Variants in DTNBP1 observed in about 807,000 individuals in gnomAD.
The protein encoded by DTNBP1 is dystrobrevin binding protein 1.
A neutral mutation model predicts 42.8 loss-of-function variants in DTNBP1; 35 were observed. That is an observed-to-expected ratio of 0.82 (90% confidence interval 0.63 to 1.09). The LOEUF (loss-of-function observed/expected upper bound fraction) is 1.09, where lower values mean the gene tolerates loss of function less well. Ranked by LOEUF, DTNBP1 falls within the 50% of genes least tolerant of loss-of-function variation. DTNBP1 has a pLI of 0.00. For missense variants in DTNBP1, 457 were observed against 424.2 expected, an observed-to-expected ratio of 1.08 and a Z score of -0.68; for synonymous variants, 171 against 162.2, an observed-to-expected ratio of 1.05 and a Z score of -0.41.
intron 7 of DTNBP1, among the ~76,000 whole-genome samples, chr6:15,534,356 A>G (rs1316748939): frequency 6.6e-6 from 1 of 152,208 alleles, no homozygotes; most frequent in African/African-American, 2.4e-5. Context: ...ACCACAGTAA[A>G]AAGTTGGGAA....
At chr6:15,564,483 C>T (rs1372426220) in intron 7 of DTNBP1, among the ~76,000 whole-genome samples, 1 of 152,138 alleles carries the variant, frequency 6.6e-6, no homozygotes, top group African/African-American at 2.4e-5. Flanking sequence ...TCTCTACTCA[C>T]TGCAGCCTCT....
intron 7 of DTNBP1, among the ~76,000 whole-genome samples, chr6:15,534,018 ATATGC>A: frequency 6.6e-6 from 1 of 152,236 alleles, no homozygotes; most frequent in East Asian, 1.9e-4. Flanking sequence ...CCTGGAGCAC[ATATGC>A]TAAGTGCAGT....
At chr6:15,615,107 C>T in intron 6 of DTNBP1, 160 bp downstream of exon 6, 2 of 1,019,984 alleles carry the variant, frequency 2.0e-6, no homozygotes, top group Non-Finnish European at 1.5e-6. Flanking sequence ...AAGATGGCAA[C>T]AGACAGTGGT....
intron 7 of DTNBP1, among the ~76,000 whole-genome samples, chr6:15,591,005 A>C (rs571508451): frequency 3.3e-5 from 5 of 152,348 alleles, no homozygotes; most frequent in Admixed American, 1.3e-4. Flanking sequence ...AATATTCAAA[A>C]AATAATAAAT....
intron 7 of DTNBP1, chr6:15,533,602 G>T (rs1773026931): frequency 1.3e-6 from 1 of 789,792 alleles, no homozygotes; most frequent in South Asian, 1.4e-5. Context: ...TCAGGGTCAG[G>T]CCCTTCGTTC....
chr6:15,576,825 G>A (rs148467509), intron 7 of DTNBP1, among the ~76,000 whole-genome samples: 3 of 149,900 alleles, frequency 2.0e-5, no homozygotes, highest in Admixed American at 6.6e-5. Flanking sequence ...CTGAGACATC[G>A]CTGTAAGAAC....
chr6:15,595,234 A>C (rs927897987), intron 6 of DTNBP1: 1 of 453,420 alleles, frequency 2.2e-6, no homozygotes, highest in Admixed American at 2.4e-5. Flanking sequence ...TAAAGAAAAA[A>C]ATCAGTATTA....
chr6:15,649,168 C>T (rs1399893070), intron 3 of DTNBP1, among the ~76,000 whole-genome samples: 1 of 152,062 alleles, frequency 6.6e-6, no homozygotes, highest in Admixed American at 6.6e-5. Flanking sequence ...TGGGTATATA[C>T]CCAAAGGAAC....
chr6:15,526,529 C>T (rs1772409066), intron 8 of DTNBP1, among the ~76,000 whole-genome samples: 1 of 152,164 alleles, frequency 6.6e-6, no homozygotes, highest in African/African-American at 2.4e-5. Context: ...TTTAGATGAT[C>T]CCATGCTTGG....
chr6:15,661,531 A>G (rs1329475931), intron 1 of DTNBP1, among the ~76,000 whole-genome samples: 1 of 152,058 alleles, frequency 6.6e-6, no homozygotes, highest in Non-Finnish European at 1.5e-5. Context: ...CTCTAGTCCC[A>G]GCTACTCAGG....
At chr6:15,647,516 C>T (rs1760757653) in intron 3 of DTNBP1, among the ~76,000 whole-genome samples, 1 of 151,034 alleles carries the variant, frequency 6.6e-6, no homozygotes, top group Non-Finnish European at 1.5e-5. Flanking sequence ...TGAAGATAAA[C>T]CAATTTAAAT....
chr6:15,585,629 C>A, intron 7 of DTNBP1: 2 of 1,407,828 alleles, frequency 1.4e-6, no homozygotes, highest in Non-Finnish European at 9.6e-7. Context: ...CATCTGCATA[C>A]CATGCAAATA....
intron 7 of DTNBP1, among the ~76,000 whole-genome samples, chr6:15,572,592 A>G (rs1159148085): frequency 6.6e-6 from 1 of 152,204 alleles, no homozygotes; most frequent in African/African-American, 2.4e-5. Flanking sequence ...ATGTGTATCA[A>G]TGCAGTCTTT....
chr6:15,523,048 A>G lies in DTNBP1; in HGVS notation c.983T>C (p.Val328Ala). ...GTGTGATGTGGCCAGGGCAGTGTCC[A>G]CCTGAACTTCCTCCTCATCGGACTG... ...VVQSDEEEVQ[V>A]DTALATSHTD... The change falls in exon 10 of 10, where the codon GTG (valine) becomes GCG (alanine). Residue 328 changes from valine to alanine, a missense_variant. Physicochemically the swap from Val to Ala is moderately conservative, Grantham distance 64. Transcript: ENST00000344537. 1 of 1,614,162 alleles carries G rather than the reference A, an allele frequency of 6.2e-7. No homozygotes were observed. The highest frequency in any genetic ancestry group is 8.5e-7 in the Non-Finnish European group (1 of 1,180,022).
At chr6:15,636,510 C>T (rs1039682744) in intron 4 of DTNBP1, among the ~76,000 whole-genome samples, 1 of 152,076 alleles carries the variant, frequency 6.6e-6, no homozygotes, top group Admixed American at 6.6e-5. Flanking sequence ...AACTTAGAAC[C>T]CCATACTCCT....
At chr6:15,550,203 CA>C (rs113523778) in intron 7 of DTNBP1, among the ~76,000 whole-genome samples, 8,799 of 152,244 alleles carry the variant, frequency 0.058, 390 homozygotes, top group African/African-American at 0.12. Context: ...TCAAAACAAT[CA>C]CCTTTAGAGA....
At chr6:15,548,809 CAAAAAG>C (rs1774040921) in intron 7 of DTNBP1, among the ~76,000 whole-genome samples, 1 of 151,856 alleles carries the variant, frequency 6.6e-6, no homozygotes, top group Non-Finnish European at 1.5e-5. Flanking sequence ...ATTTAAAAAA[CAAAAAG>C]AAAAAAGCCT....
In DTNBP1 at chr6:15,662,848, G is replaced by A; in HGVS notation, c.22C>T (p.Arg8Trp). 6.2e-7 allele frequency: 1 copy of A among 1,608,828 alleles called. No individual in the cohort carries two copies. The change falls in exon 1 of 10, where the codon CGG becomes TGG. Residue 8 changes from arginine (R) to tryptophan (W), a missense_variant. Physicochemically the swap from Arg to Trp is moderately radical, Grantham distance 101. Coordinates refer to ENST00000344537, the MANE Select transcript of DTNBP1 (RefSeq NM_032122.5). MLETLRE[R>W]LLSVQQDFTS... The stretch of plus-strand genomic sequence containing the variant: ...AAATCCTGCTGCACGCTCAGCAGCC[G>A]CTCGCGAAGGGTCTCCAGCATTGCC...
At position 15,522,846 on chromosome 6, in the gene DTNBP1, T is replaced by C; in HGVS notation, c.*129A>G. ...ACTTTATTGTTAGCTGTTCTTTAAG[T>C]TTCTCACACATTATTGGCAATTATG... On this transcript the variant is annotated 3_prime_UTR_variant, in exon 10 of 10. Transcript: ENST00000344537. 1 of 1,517,628 alleles carries C rather than the reference T, an allele frequency of 6.6e-7. No homozygotes were observed. Among genetic ancestry groups the C allele is most frequent in the Admixed American group, 1.7e-5 (1 of 58,970 alleles). 94.0% of individuals were successfully genotyped at this position (1,517,628 alleles called of 1,614,324 possible). A position where few individuals can be genotyped will look rare whatever the true frequency, so the allele number is the denominator to read the frequency against.
Sources: allele counts gnomAD v4.1 joint callset (sites outside exome capture counted in the v4.1 genomes callset), GRCh38; gene constraint gnomAD v4.1.1; transcripts MANE v1.5; gene names NCBI Gene and HGNC (gene_info 2026-07-23, HGNC 2026-07-21).